INPPL1: variants seen among roughly 807,000 people sequenced by gnomAD.
The protein encoded by INPPL1 is phosphatidylinositol 3,4,5-trisphosphate 5-phosphatase 2.
Under a neutral mutation model 139.3 loss-of-function variants are expected in INPPL1, and 91 were observed. The ratio of observed to expected loss-of-function variants is 0.65; its 90% CI spans 0.55 to 0.78. The LOEUF is 0.78. INPPL1 is among the 30% of genes least tolerant of loss of function. The pLI, the probability that INPPL1 is intolerant of heterozygous loss-of-function variation, is 0.00. For missense variants in INPPL1, 1,411 were observed against 1,665.6 expected, an observed-to-expected ratio of 0.85 and a Z score of 2.66; for synonymous variants, 719 against 686.6, an observed-to-expected ratio of 1.05 and a Z score of -0.74.
chr11:72,233,002 C>T, intron 16 of INPPL1, 28 bp downstream of exon 16: 1 of 1,611,980 alleles, frequency 6.2e-7, no homozygotes, highest in Non-Finnish European at 8.5e-7. Flanking sequence ...AGGTGGTGAT[C>T]TGAGGGCTAG....
At chr11:72,232,831 TGGCTCC>T in intron 15 of INPPL1, 38 bp from the exon 16 acceptor site, 1 of 1,613,766 alleles carries the variant, frequency 6.2e-7, no homozygotes, top group Non-Finnish European at 8.5e-7. Flanking sequence ...CCCCTGGCTC[TGGCTCC>T]GGAGGAATGT....
rs1948722131 is a variant in INPPL1 at position 72,228,017 on chromosome 11, G to C, written c.183-173G>C. On this transcript the variant is annotated intron_variant, in intron 1 of 27. Coordinates refer to ENST00000298229, the MANE Select transcript of INPPL1 (RefSeq NM_001567.4). The surrounding 1 kb of genome is among the most constrained non-coding windows in gnomAD (Gnocchi z 5.0). ...ATTCCTGCCCAATAGGCAACACCAG[G>C]AGGGTGGAAGTGGACCGGCCACATC... 1.2e-5 allele frequency: 8 copies of C among 661,650 alleles called. No homozygotes were observed. Among genetic ancestry groups the C allele is most frequent in the Non-Finnish European group, 2.2e-5 (8 of 369,098 alleles). 41.0% of individuals were successfully genotyped at this position (661,650 alleles called of 1,614,324 possible). A position where few individuals can be genotyped will look rare whatever the true frequency, so the allele number is the denominator to read the frequency against.
upstream of INPPL1, chr11:72,223,676 C>T (rs1293540507): frequency 2.0e-5 from 3 of 151,982 alleles, no homozygotes; most frequent in Non-Finnish European, 4.4e-5. Flanking sequence ...CGAGCTCGGC[C>T]CCCAGAGCCG....
Position 72,234,765 on chromosome 11 carries a change from A to C in INPPL1, c.2415+150A>C. On this transcript the variant is annotated intron_variant, in intron 21 of 27. Transcript: ENST00000298229. The surrounding 1 kb of genome is among the most constrained non-coding windows in gnomAD (Gnocchi z 4.2). ...TGTGTGTGTGTGTGTGTGTGTGTGT[A>C]TGGGCATGGGCATGAGTGAGGATAA... The C allele has an allele frequency of 2.0e-6, 1 of 511,990 alleles. No individual in the cohort carries two copies. The highest frequency in any genetic ancestry group is 3.5e-6 in the Non-Finnish European group (1 of 288,772). 31.7% of individuals were successfully genotyped at this position (511,990 alleles called of 1,614,324 possible). A position where few individuals can be genotyped will look rare whatever the true frequency, so the allele number is the denominator to read the frequency against.
chr11:72,226,177 C>CT (rs772547413), intron 1 of INPPL1, among the ~76,000 whole-genome samples: 1,626 of 129,794 alleles, frequency 0.013, 17 homozygotes, highest in Non-Finnish European at 0.018. Context: ...CAGGGGAGAC[C>CT]TTTTTTTTTT....
At chr11:72,224,306 C>T (rs1948602417), upstream of INPPL1, among the ~76,000 whole-genome samples, 1 of 150,262 alleles carries the variant, frequency 6.7e-6, no homozygotes, top group Non-Finnish European at 1.5e-5. Flanking sequence ...GAGTTGGGGG[C>T]CCCGCCCGCT....
chr11:72,230,229 C>T lies in INPPL1; in HGVS notation c.1048C>T (p.Arg350Trp), dbSNP rs753375974. 41 of 1,609,720 alleles carry T rather than the reference C, an allele frequency of 2.5e-5. No individual in the cohort carries two copies. The highest frequency in any genetic ancestry group is 4.5e-5 in the East Asian group (2 of 44,790). ...GGRLVLLRRQ[R>W]DSQEDWTTFT... ...GCGGCTGGTGCTGCTGCGGAGACAG[C>T]GGGACTCCCAGGAGGACTGGACCAC... Residue 350 changes from arginine to tryptophan, a missense_variant, in exon 9 of 28, where the codon CGG (arginine) becomes TGG (tryptophan). By Grantham distance (101) the Arg-to-Trp change is moderately radical. Transcript: ENST00000298229.
chr11:72,233,136 T>C lies in INPPL1; in HGVS notation c.2013T>C (p.Tyr671=), dbSNP rs1340459781. The C allele has an allele frequency of 3.1e-5, 50 of 1,613,988 alleles. No homozygotes were observed. The highest frequency in any genetic ancestry group is 4.1e-5 in the Non-Finnish European group (48 of 1,179,974). ...ATGAGCGGGGTTCCCGGGACACATA[T>C]GCCTGGCACAAGCAGAAGCCAACTG... is the stretch of plus-strand genomic sequence containing the variant. ...YRYERGSRDT[Y]AWHKQKPTGV... The change falls in exon 17 of 28, where the codon TAT becomes TAC. Residue 671 remains tyrosine, a synonymous_variant. Transcript: ENST00000298229.
Position 72,235,160 on chromosome 11 carries a change from C to T in INPPL1, c.2460C>T (p.His820=), listed in dbSNP as rs1164435075. Residue 820 remains histidine (H), a synonymous_variant, in exon 22 of 28, where the codon CAC becomes CAT. Transcript: ENST00000298229. The surrounding 1 kb of genome is among the most constrained non-coding windows in gnomAD (Gnocchi z 4.9). ...LADIEYLQDQ[H]LLLTVKSMDG... is the part of the protein sequence containing the mutation. The stretch of plus-strand genomic sequence containing the variant: ...ATATCGAGTACCTGCAGGACCAGCA[C>T]CTCCTGCTCACAGTCAAGTCCATGG... 4.3e-6 allele frequency: 7 copies of T among 1,614,072 alleles called. No homozygotes were observed. The Admixed American group carries it at 6.7e-5, about 15-fold the overall frequency.
At position 72,228,667 on chromosome 11, in the gene INPPL1, G is replaced by A. The variant is rs887520792; in HGVS notation, c.398-60G>A. 3.2e-6 allele frequency: 5 copies of A among 1,579,632 alleles called. No individual in the cohort carries two copies. Among genetic ancestry groups the A allele is most frequent in the Non-Finnish European group, 4.3e-6 (5 of 1,160,906 alleles). On this transcript the variant is annotated intron_variant, in intron 3 of 27. Transcript: ENST00000298229. The surrounding 1 kb of genome is among the most constrained non-coding windows in gnomAD (Gnocchi z 5.0). The stretch of plus-strand genomic sequence containing the variant: ...GGAAGTCACTTTACAGCTGCATCGT[G>A]CCTCCTACTCCACTGAGTGTGGGAG...
In INPPL1 at chr11:72,237,677, C is replaced by T. The variant is rs1447993157; in HGVS notation, c.3433C>T (p.Leu1145Phe). 1 of 1,611,902 alleles carries T rather than the reference C, an allele frequency of 6.2e-7. No individual in the cohort carries two copies. The highest frequency in any genetic ancestry group is 1.3e-5 in the African/African-American group (1 of 74,944). ...CCCTGCTGGGCCTGCACGCTCAGCGCTCCTCCCAGGCCCCCTGGAGCTGCA... is the reference window on the plus strand; with the variant it reads ...CCCTGCTGGGCCTGCACGCTCAGCGTTCCTCCCAGGCCCCCTGGAGCTGCA... ...YAPAGPARSA[L>F]LPGPLELQPP... The change falls in exon 26 of 28, where the codon CTC becomes TTC. Residue 1145 changes from leucine (L) to phenylalanine (F), a missense_variant. Physicochemically the swap from Leu to Phe is conservative, Grantham distance 22. This residue lies in a region of INPPL1 where 438 missense variants were observed against 425.7 expected (regional missense o/e 1.03). Transcript: ENST00000298229.
rs754591389 is a variant in INPPL1, at chr11:72,235,952, C to T, written c.2845C>T (p.Arg949Ter). 5 of 1,608,214 alleles carry T rather than the reference C, an allele frequency of 3.1e-6. No individual in the cohort carries two copies. Among genetic ancestry groups the T allele is most frequent in the Non-Finnish European group, 2.5e-6 (3 of 1,177,654 alleles). The stretch of plus-strand genomic sequence containing the variant: ...AACGGGGAGGCCCCCAGCCCCACCC[C>T]GAGCAGCTCCCCGGGAGGAGCCCTT... ...PPTGRPPAPP[R>*]AAPREEPLTP... The change falls in exon 25 of 28, where the codon CGA (arginine) becomes TGA (stop). Residue 949 changes from arginine (R) to a stop codon, truncating the protein, a stop_gained. Coordinates refer to ENST00000298229, the MANE Select transcript of INPPL1 (RefSeq NM_001567.4). LOFTEE classifies it high-confidence loss of function. This position sits in a 1 kb window ranked among gnomAD's most constrained non-coding sequence, Gnocchi z 4.9.
At position 72,238,141 on chromosome 11, in the gene INPPL1, G is replaced by C; in HGVS notation, c.3652G>C (p.Val1218Leu). ...CTTGGAGCGCTATGAGGAGGGCCTG[G>C]TGCATAATGGCTGGGACGACCTGGA... is the stretch of plus-strand genomic sequence containing the variant. ...IGLERYEEGL[V>L]HNGWDDLEFL... Residue 1218 changes from valine to leucine, a missense_variant, in exon 27 of 28, where the codon GTG becomes CTG. Physicochemically the swap from Val to Leu is conservative, Grantham distance 32. Coordinates refer to ENST00000298229, the MANE Select transcript of INPPL1 (RefSeq NM_001567.4). The C allele has an allele frequency of 6.3e-7, 1 of 1,591,888 alleles. No homozygotes were observed. The highest frequency in any genetic ancestry group is 1.7e-4 in the Middle Eastern group (1 of 5,930).
chr11:72,227,224 T>TA (rs1555074866), intron 1 of INPPL1, among the ~76,000 whole-genome samples: 7 of 152,202 alleles, frequency 4.6e-5, no homozygotes, highest in Non-Finnish European at 1.0e-4. Context: ...ACCTTTTACT[T>TA]ACTCTGTGGC....
chr11:72,236,594 G>A (rs1948994493), intron 25 of INPPL1, among the ~76,000 whole-genome samples: 2 of 152,234 alleles, frequency 1.3e-5, no homozygotes, highest in South Asian at 4.1e-4. Context: ...CTTTGGGAAA[G>A]TGAGGCTTGC....
intron 12 of INPPL1, 84 bp downstream of exon 12, chr11:72,231,273 G>A: frequency 2.3e-6 from 3 of 1,328,070 alleles, no homozygotes; most frequent in Non-Finnish European, 2.1e-6. Flanking sequence ...GCAACCCTGG[G>A]AGCACAGCTT....
chr11:72,233,494 T>C lies in INPPL1; in HGVS notation c.2094T>C (p.Pro698=), dbSNP rs1261999178. 3 of 1,613,992 alleles carry C rather than the reference T, an allele frequency of 1.9e-6. No homozygotes were observed. In the African/African-American group the frequency reaches 4.0e-5, roughly 22 times the overall value. Reference sequence around the variant, plus strand: ...ACCGGATTCTGTGGAAATCCTACCCTGAAACTCACATCATCTGCAATTCTT... The same window carrying C: ...ACCGGATTCTGTGGAAATCCTACCCCGAAACTCACATCATCTGCAATTCTT... The part of the protein sequence containing the change: ...WCDRILWKSY[P]ETHIICNSYG... Residue 698 remains proline, a synonymous_variant, in exon 18 of 28, where the codon CCT becomes CCC. Coordinates refer to ENST00000298229, the MANE Select transcript of INPPL1 (RefSeq NM_001567.4).
chr11:72,231,840 C>G (rs564360354), intron 13 of INPPL1, among the ~76,000 whole-genome samples: 2 of 152,264 alleles, frequency 1.3e-5, no homozygotes, highest in East Asian at 3.9e-4. Context: ...AAACTCAAAC[C>G]CAGAGTGGTT....
At chr11:72,223,787 C>CCGAGGCGCGGGGCGGGGTGAGG (rs1366743053), upstream of INPPL1, 3 of 150,806 alleles carry the variant, frequency 2.0e-5, no homozygotes, top group African/African-American at 4.9e-5. Context: ...GGCTCCGGGA[C>CCGAGGCGCGGGGCGGGGTGAGG]CGAGGCGCGG....
Sources: gnomAD v4.1 joint callset for allele counts (sites outside exome capture counted in the v4.1 genomes callset) on GRCh38, gnomAD v4.1.1 for gene constraint, gnomAD v4.1.1 regional missense constraint, Gnocchi (gnomAD v3.1) non-coding constraint, MANE v1.5 for transcripts, NCBI Gene and HGNC (gene_info 2026-07-23, HGNC 2026-07-21) for gene names.